CACNA1C: variants seen among roughly 807,000 people sequenced by gnomAD.
The protein encoded by CACNA1C is calcium voltage-gated channel subunit alpha1 C.
A neutral mutation model predicts 229.0 loss-of-function variants in CACNA1C; 30 were observed. The observed-to-expected ratio is 0.13, with a 90% CI of 0.10 to 0.18. The LOEUF (loss-of-function observed/expected upper bound fraction) is 0.18, where lower values mean the gene tolerates loss of function less well. CACNA1C is among the 10% of genes least tolerant of loss of function. The pLI is 1.00. For missense variants in CACNA1C, 1,658 were observed against 2,845.0 expected (o/e 0.58, Z 9.49); for synonymous variants, 1,114 against 1,132.5 (o/e 0.98, Z 0.33).
chr12:2,572,808 T>C (rs936313860), intron 13 of CACNA1C, among the ~76,000 whole-genome samples: 98 of 63,316 alleles, frequency 1.5e-3, no homozygotes, highest in South Asian at 3.7e-3. Context: ...CTCTCCTCCT[T>C]CTCCTCTCCT....
chr12:2,359,359 A>G (rs536071282), intron 3 of CACNA1C, among the ~76,000 whole-genome samples: 3 of 152,132 alleles, frequency 2.0e-5, no homozygotes, highest in Non-Finnish European at 4.4e-5. Context: ...CTTCCTGCCT[A>G]TGTGAGCATC....
chr12:2,427,275 G>T (rs541037593), intron 3 of CACNA1C, among the ~76,000 whole-genome samples: 1 of 152,316 alleles, frequency 6.6e-6, no homozygotes, highest in African/African-American at 2.4e-5. Context: ...GATGGGGATG[G>T]TAGTGGGGTT....
intron 3 of CACNA1C, among the ~76,000 whole-genome samples, chr12:2,286,823 C>T (rs1459875008): frequency 6.6e-6 from 1 of 152,238 alleles, no homozygotes; most frequent in Non-Finnish European, 1.5e-5. Context: ...CTGAGCAATG[C>T]TCATAACAGG....
intron 3 of CACNA1C, among the ~76,000 whole-genome samples, chr12:2,186,769 C>T (rs576474694): frequency 3.9e-5 from 6 of 152,238 alleles, no homozygotes; most frequent in South Asian, 2.1e-4. Context: ...TTCGACAATC[C>T]GATGGGGAAG....
At chr12:2,523,078 T>C (rs2099812977) in intron 9 of CACNA1C, among the ~76,000 whole-genome samples, 1 of 138,548 alleles carries the variant, frequency 7.2e-6, no homozygotes, top group African/African-American at 2.7e-5. Flanking sequence ...GTTGCATTTA[T>C]CGCTTCAGCC....
intron 3 of CACNA1C, among the ~76,000 whole-genome samples, chr12:2,358,382 T>G (rs184375230): frequency 6.6e-6 from 1 of 152,144 alleles, no homozygotes; most frequent in East Asian, 1.9e-4. Flanking sequence ...TTTCTTGGCA[T>G]GTAATTACAT....
chr12:2,032,535 T>C (rs904428150), intron 1 of CACNA1C, among the ~76,000 whole-genome samples: 1 of 152,192 alleles, frequency 6.6e-6, no homozygotes, highest in Non-Finnish European at 1.5e-5. Flanking sequence ...GAAACAGGAA[T>C]GTTATTAGGG....
At chr12:2,138,365 C>T (rs2093765531) in intron 3 of CACNA1C, among the ~76,000 whole-genome samples, 1 of 151,122 alleles carries the variant, frequency 6.6e-6, no homozygotes, top group Non-Finnish European at 1.5e-5. Flanking sequence ...GCAGATGGAT[C>T]CTGGTTGTGT....
intron 3 of CACNA1C, among the ~76,000 whole-genome samples, chr12:2,160,055 G>A (rs535336182): frequency 3.3e-5 from 5 of 152,146 alleles, no homozygotes; most frequent in East Asian, 1.9e-4. Context: ...GTTCTGGACC[G>A]TCCTGCTGGG....
rs375571032 is a variant in CACNA1C at position 2,679,577 on chromosome 12, C to T, written c.5225C>T (p.Ser1742Leu). ...GGCAGCAGCCAGGGCGACACTGAGT[C>T]GCCATCCCACGAGAAGCTGGTGGAC... ...KAGSSQGDTE[S>L]PSHEKLVDST... The change falls in exon 42 of 47, where the codon TCG becomes TTG. Residue 1742 changes from serine to leucine, a missense_variant. This residue lies in a region of CACNA1C where 590 missense variants were observed against 700.8 expected (regional missense o/e 0.84). Transcript: ENST00000399655. This position sits in a 1 kb window ranked among gnomAD's most constrained non-coding sequence, Gnocchi z 5.5. 8 of 1,613,532 alleles carry T rather than the reference C, an allele frequency of 5.0e-6. No individual in the cohort carries two copies. Among genetic ancestry groups the T allele is most frequent in the Admixed American group, 1.7e-5 (1 of 59,956 alleles).
chr12:2,353,920 C>T (rs2097279486), intron 3 of CACNA1C, among the ~76,000 whole-genome samples: 1 of 152,164 alleles, frequency 6.6e-6, no homozygotes, highest in Admixed American at 6.5e-5. Context: ...ACTGTCCTGC[C>T]ATCAGCAGTG....
chr12:2,287,451 C>T lies in CACNA1C; in HGVS notation c.478-161525C>T, dbSNP rs905615153. Among the ~76,000 whole-genome samples, 1 of 152,164 alleles carries T rather than the reference C, an allele frequency of 6.6e-6. No homozygotes were observed. The highest frequency in any genetic ancestry group is 2.4e-5 in the African/African-American group (1 of 41,430). On this transcript the variant is annotated intron_variant, in intron 3 of 46. Transcript: ENST00000399655. The surrounding 1 kb of genome is among the most constrained non-coding windows in gnomAD (Gnocchi z 4.6). ...CCGTGGCTGTTTAGGAAGGTTGGGT[C>T]AGTGGAGATCAGGGCCCGAAGAGCA...
intron 6 of CACNA1C, among the ~76,000 whole-genome samples, chr12:2,491,888 T>C (rs1223215319): frequency 6.6e-6 from 1 of 152,158 alleles, no homozygotes; most frequent in Non-Finnish European, 1.5e-5. Context: ...ACACTTACGA[T>C]TGTTTTGATA....
chr12:2,512,031 T>C lies in CACNA1C; in HGVS notation c.1218-781T>C, dbSNP rs2099785359. Among the ~76,000 whole-genome samples the C allele has an allele frequency of 6.6e-6, 1 of 152,214 alleles. No individual in the cohort carries two copies. Among genetic ancestry groups the C allele is most frequent in the African/African-American group, 2.4e-5 (1 of 41,464 alleles). On this transcript the variant is annotated intron_variant, in intron 8 of 46. Coordinates refer to ENST00000399655, the MANE Select transcript of CACNA1C (RefSeq NM_000719.7). The surrounding 1 kb of genome is among the most constrained non-coding windows in gnomAD (Gnocchi z 4.3). ...TTTGGAATCTTCATTTGTCTTCATG[T>C]GGGAGAGAACCTTCTCTAGATTAGA... is the stretch of plus-strand genomic sequence containing the variant.
intron 34 of CACNA1C, among the ~76,000 whole-genome samples, chr12:2,662,114 C>CGAGT (rs1569120217): frequency 7.2e-5 from 11 of 151,852 alleles, no homozygotes; most frequent in Admixed American, 7.2e-4. Flanking sequence ...TGGTAGCAGG[C>CGAGT]GCCTGTAGTC....
At chr12:2,451,492 G>T (rs1390842316) in intron 4 of CACNA1C, among the ~76,000 whole-genome samples, 2 of 152,204 alleles carry the variant, frequency 1.3e-5, no homozygotes, top group Non-Finnish European at 2.9e-5. Flanking sequence ...GATTATATGT[G>T]CTTTGCCCCA....
chr12:2,340,576 A>T (rs904271246), intron 3 of CACNA1C, among the ~76,000 whole-genome samples: 1 of 152,220 alleles, frequency 6.6e-6, no homozygotes, highest in Non-Finnish European at 1.5e-5. Context: ...TGTAGTTAAG[A>T]TAAAATTCTG....
intron 1 of CACNA1C, among the ~76,000 whole-genome samples, chr12:2,000,309 A>G (rs2041890568): frequency 6.6e-6 from 1 of 152,202 alleles, no homozygotes; most frequent in Non-Finnish European, 1.5e-5. Flanking sequence ...CACTCCCCAC[A>G]AGATCAAAAC....
At chr12:2,417,847 G>A (rs1461050045) in intron 3 of CACNA1C, among the ~76,000 whole-genome samples, 1 of 152,098 alleles carries the variant, frequency 6.6e-6, no homozygotes, top group Non-Finnish European at 1.5e-5. Context: ...CCTCCCGCCT[G>A]TAGCAATAAA....
Sources: gnomAD v4.1 joint callset for allele counts (sites outside exome capture counted in the v4.1 genomes callset) on GRCh38, gnomAD v4.1.1 for gene constraint, gnomAD v4.1.1 regional missense constraint, Gnocchi (gnomAD v3.1) non-coding constraint, MANE v1.5 for transcripts, NCBI Gene and HGNC (gene_info 2026-07-23, HGNC 2026-07-21) for gene names.